The following HOOK3 variants were observed in gnomAD, a reference collection of about 807,000 sequenced individuals.
HOOK3 encodes hook microtubule tethering protein 3.
In HOOK3, 24 loss-of-function variants were observed where a neutral mutation model predicts 116.3. The ratio of observed to expected loss-of-function variants is 0.21; its 90% CI spans 0.15 to 0.29. The LOEUF (loss-of-function observed/expected upper bound fraction) is 0.29. Ranked by LOEUF, HOOK3 falls within the 10% of genes least tolerant of loss-of-function variation. The probability of loss-of-function intolerance (pLI) is 1.00; values close to 1 mark genes in which losing one functional copy is unlikely to be tolerated. For missense variants in HOOK3, 632 were observed against 830.2 expected (o/e 0.76, Z 2.93); for synonymous variants, 275 against 283.0 (o/e 0.97, Z 0.28).
chr8:42,954,105 A>C (rs1808391884), intron 6 of HOOK3, among the ~76,000 whole-genome samples: 1 of 152,218 alleles, frequency 6.6e-6, no homozygotes. Context: ...TAATGACATA[A>C]GGGAAAGCTC....
At chr8:42,898,540 A>C (rs1807108063) in intron 1 of HOOK3, among the ~76,000 whole-genome samples, 1 of 152,224 alleles carries the variant, frequency 6.6e-6, no homozygotes, top group African/African-American at 2.4e-5. Context: ...TGTGGAAGGA[A>C]TAGATTTGGC....
intron 1 of HOOK3, among the ~76,000 whole-genome samples, chr8:42,898,424 C>T (rs1452930507): frequency 6.6e-6 from 1 of 152,088 alleles, no homozygotes; most frequent in East Asian, 1.9e-4. Context: ...GCTTTCACTG[C>T]TGTATTTCAG....
chr8:43,000,376 G>A, intron 16 of HOOK3: 1 of 645,934 alleles, frequency 1.5e-6, no homozygotes, highest in Non-Finnish European at 2.4e-6. Context: ...AGGTAGTTTT[G>A]TGCAAAACGA....
Position 43,027,406 on chromosome 8 carries a change from T to G in HOOK3, c.*8908T>G. On this transcript the variant is annotated 3_prime_UTR_variant, in exon 22 of 22. Transcript: ENST00000307602. ...TAGAGAGATTTGCTTATGAGAACAT[T>G]CTGTCATTTGTTCTGTTTGTAGATG... is the stretch of plus-strand genomic sequence containing the variant. The G allele has an allele frequency of 7.8e-6, 2 of 257,416 alleles. No individual in the cohort carries two copies. Among genetic ancestry groups the G allele is most frequent in the Non-Finnish European group, 7.0e-6 (1 of 143,354 alleles). 15.9% of individuals were successfully genotyped at this position (257,416 alleles called of 1,614,324 possible). A position where few individuals can be genotyped will look rare whatever the true frequency, so the allele number is the denominator to read the frequency against.
chr8:42,925,628 A>T lies in HOOK3; in HGVS notation c.215A>T (p.Lys72Met). 6.3e-7 allele frequency: 1 copy of T among 1,579,460 alleles called. No individual in the cohort carries two copies. Among genetic ancestry groups the T allele is most frequent in the Non-Finnish European group, 8.7e-7 (1 of 1,155,668 alleles). ...GAAGTAGGAGATAATTGGAGGCTAA[A>T]GGTATTTTATTTTTCCACCTGTTAA... The part of the protein sequence containing the change: ...KTEVGDNWRL[K>M]ISNLKKILKG... The change falls in exon 3 of 22, where the codon AAG (lysine) becomes ATG (methionine). Residue 72 changes from lysine to methionine, a missense_variant and splice_region_variant. Coordinates refer to ENST00000307602, the MANE Select transcript of HOOK3 (RefSeq NM_032410.4).
intron 1 of HOOK3, among the ~76,000 whole-genome samples, chr8:42,901,613 T>G (rs904945735): frequency 6.6e-6 from 1 of 152,216 alleles, no homozygotes; most frequent in Non-Finnish European, 1.5e-5. Context: ...TGAGCAACTA[T>G]GTACCTCAAG....
chr8:42,909,626 C>A (rs1807383268), intron 2 of HOOK3, among the ~76,000 whole-genome samples: 1 of 152,102 alleles, frequency 6.6e-6, no homozygotes, highest in Non-Finnish European at 1.5e-5. Flanking sequence ...ACACACCCAG[C>A]CTTTTTTGTT....
chr8:42,984,091 G>A (rs1809002452), intron 14 of HOOK3, among the ~76,000 whole-genome samples: 1 of 152,098 alleles, frequency 6.6e-6, no homozygotes, highest in Non-Finnish European at 1.5e-5. Flanking sequence ...AAATGGGCTG[G>A]GCACGGTGGC....
intron 1 of HOOK3, among the ~76,000 whole-genome samples, chr8:42,905,037 A>G (rs1374363335): frequency 6.6e-6 from 1 of 152,136 alleles, no homozygotes; most frequent in African/African-American, 2.4e-5. Flanking sequence ...AATTTATACT[A>G]TTAGGGAAAG....
intron 8 of HOOK3, among the ~76,000 whole-genome samples, chr8:42,963,669 T>C (rs1808577744): frequency 6.6e-6 from 1 of 152,242 alleles, no homozygotes; most frequent in South Asian, 2.1e-4. Context: ...ACAGTCAGTC[T>C]TTTTAATTTT....
chr8:42,947,785 T>C (rs1488704337), intron 5 of HOOK3, among the ~76,000 whole-genome samples: 1 of 152,182 alleles, frequency 6.6e-6, no homozygotes, highest in Non-Finnish European at 1.5e-5. Flanking sequence ...ATACTTAGCC[T>C]GTGTTGTTGT....
At chr8:42,980,406 G>A (rs570565313) in intron 13 of HOOK3, among the ~76,000 whole-genome samples, 13 of 151,974 alleles carry the variant, frequency 8.6e-5, no homozygotes, top group Non-Finnish European at 1.8e-4. Flanking sequence ...TAACCTTGCC[G>A]CTATAGTTTG....
rs1014422021 is a variant in HOOK3, at chr8:43,025,768, T to G, written c.*7270T>G. On this transcript the variant is annotated 3_prime_UTR_variant, in exon 22 of 22. Coordinates refer to ENST00000307602, the MANE Select transcript of HOOK3 (RefSeq NM_032410.4). ...TGACCAACTTGGTGTTATCTAGATC[T>G]GCTTTATCTAGTTTGCAAGCCATAG... The G allele has an allele frequency of 4.6e-6, 1 of 215,268 alleles. No individual in the cohort carries two copies. The highest frequency in any genetic ancestry group is 2.3e-5 in the African/African-American group (1 of 44,304). The allele number at this position is 215,268 out of a possible 1,614,324, so 13.3% of individuals were successfully genotyped here. A position where few individuals can be genotyped will look rare whatever the true frequency, so the allele number is the denominator to read the frequency against.
At chr8:42,984,307 G>C (rs1186165060) in intron 14 of HOOK3, among the ~76,000 whole-genome samples, 3 of 151,674 alleles carry the variant, frequency 2.0e-5, no homozygotes, top group Admixed American at 6.6e-5. Flanking sequence ...GGCAGAGGTT[G>C]CGGTGAGCCG....
chr8:42,928,942 T>A (rs1383036911), intron 3 of HOOK3, among the ~76,000 whole-genome samples: 2 of 152,136 alleles, frequency 1.3e-5, no homozygotes, highest in African/African-American at 4.8e-5. Context: ...CTCAGAAAGC[T>A]GAGGCACGAG....
intron 11 of HOOK3, among the ~76,000 whole-genome samples, chr8:42,968,974 AT>A (rs890650872): frequency 2.9e-4 from 44 of 151,330 alleles, no homozygotes; most frequent in Admixed American, 6.6e-5. Flanking sequence ...ACTCTTTGTA[AT>A]TTTTTTTTCT....
At chr8:42,976,852 G>A (rs1292769091) in intron 13 of HOOK3, among the ~76,000 whole-genome samples, 3 of 152,128 alleles carry the variant, frequency 2.0e-5, no homozygotes, top group Non-Finnish European at 4.4e-5. Flanking sequence ...AGCTGAGATC[G>A]CGCCACTGCA....
At chr8:43,012,419 G>A (rs1304652698) in intron 19 of HOOK3, among the ~76,000 whole-genome samples, 1 of 152,118 alleles carries the variant, frequency 6.6e-6, no homozygotes, top group Non-Finnish European at 1.5e-5. Flanking sequence ...CATCATATAT[G>A]TGGTTCATCG....
rs555429861 is a variant in HOOK3, at chr8:42,939,806, C to A, written c.268-3507C>A. On this transcript the variant is annotated intron_variant, in intron 4 of 21. Transcript: ENST00000307602. ...GCAGAGGGTCTCCTCACTTCTCAGACGGGGCGGCCGGGCAGAGACGCTCCT... is the reference window on the plus strand; with the variant it reads ...GCAGAGGGTCTCCTCACTTCTCAGAAGGGGCGGCCGGGCAGAGACGCTCCT... 8.4e-4 allele frequency among the ~76,000 whole-genome samples: 120 copies of A among 143,216 alleles called. 1 individual carries two copies. The highest frequency in any genetic ancestry group is 2.3e-3 in the Admixed American group (33 of 14,302). The allele number at this position is 143,216 out of a possible 152,430, so 94.0% of individuals were successfully genotyped here.
Sources: gnomAD v4.1 joint callset for allele counts (sites outside exome capture counted in the v4.1 genomes callset) on GRCh38, gnomAD v4.1.1 for gene constraint, MANE v1.5 for transcripts, NCBI Gene and HGNC (gene_info 2026-07-23, HGNC 2026-07-21) for gene names.